Variants in ATP8A1 observed in about 807,000 individuals in gnomAD.
The protein encoded by ATP8A1 is phospholipid-transporting ATPase IA.
In ATP8A1, 90 loss-of-function variants were observed where a neutral mutation model predicts 177.7. The observed-to-expected ratio is 0.51, with a 90% confidence interval of 0.43 to 0.60. The LOEUF (loss-of-function observed/expected upper bound fraction) is 0.60. ATP8A1 is among the 20% of genes least tolerant of loss of function. The pLI, the probability that ATP8A1 is intolerant of heterozygous loss-of-function variation, is 0.00. For synonymous variants in ATP8A1, 493 were observed against 485.9 expected (o/e 1.01, Z -0.19); for missense variants, 1,072 against 1,392.8 (o/e 0.77, Z 3.67).
chr4:42,537,740 C>T (rs1160160135), intron 20 of ATP8A1, among the ~76,000 whole-genome samples: 1 of 152,196 alleles, frequency 6.6e-6, no homozygotes, highest in Non-Finnish European at 1.5e-5. Context: ...AACTACAAAA[C>T]ACTGCTGAAA....
At chr4:42,521,072 C>T (rs549394042) in intron 22 of ATP8A1, among the ~76,000 whole-genome samples, 11 of 152,172 alleles carry the variant, frequency 7.2e-5, no homozygotes, top group Non-Finnish European at 1.5e-4. Flanking sequence ...GACAGAGGCA[C>T]GACGAAGTAC....
chr4:42,494,162 CAAAA>C (rs397993131), intron 24 of ATP8A1, among the ~76,000 whole-genome samples: 1 of 53,458 alleles, frequency 1.9e-5, no homozygotes, highest in Non-Finnish European at 3.5e-5. Flanking sequence ...GATCATGCCA[CAAAA>C]AAAAAAAAAA....
chr4:42,567,603 T>A (rs1731487374), intron 15 of ATP8A1, among the ~76,000 whole-genome samples: 1 of 152,192 alleles, frequency 6.6e-6, no homozygotes, highest in Non-Finnish European at 1.5e-5. Context: ...TTAAAAATCA[T>A]TACTATCTAA....
In ATP8A1 at chr4:42,410,132, A is replaced by G. The variant is rs1322804515; in HGVS notation, c.*2784T>C. The G allele has an allele frequency of 6.6e-6, 1 of 152,200 alleles. No homozygotes were observed. The highest frequency in any genetic ancestry group is 2.4e-5 in the African/African-American group (1 of 41,456). The allele number at this position is 152,200 out of a possible 1,614,324, so 9.4% of individuals were successfully genotyped here. A position where few individuals can be genotyped will look rare whatever the true frequency, so the allele number is the denominator to read the frequency against. On this transcript the variant is annotated 3_prime_UTR_variant, in exon 37 of 37. Transcript: ENST00000381668. Reference sequence around the variant, plus strand: ...GTTCCTGAGAAACACTGTTTTCCTAATAATATCTACAATATAACATCTTTC... The same window carrying G: ...GTTCCTGAGAAACACTGTTTTCCTAGTAATATCTACAATATAACATCTTTC...
intron 10 of ATP8A1, among the ~76,000 whole-genome samples, 176 bp from the exon 11 acceptor site, chr4:42,580,154 T>G (rs1732887097): frequency 6.6e-6 from 1 of 152,186 alleles, no homozygotes; most frequent in South Asian, 2.1e-4. Flanking sequence ...TTAACCACCT[T>G]TTTTTCAAGG....
rs762643177 is a variant in ATP8A1 at position 42,522,232 on chromosome 4, G to A, written c.1875C>T (p.Val625=). The change falls in exon 22 of 37, where the codon GTC becomes GTT. Residue 625 remains valine, a synonymous_variant. Transcript: ENST00000381668. ...GCACAGATGTAGATGCTCGCTGATA[G>A]ACTGCTCGCCACTCCTGAAAGTCGC... The part of the protein sequence containing the change: ...SESDFQEWRA[V]YQRASTSVQN... 10 of 1,613,712 alleles carry A rather than the reference G, an allele frequency of 6.2e-6. No homozygotes were observed. The highest frequency in any genetic ancestry group is 5.9e-6 in the Non-Finnish European group (7 of 1,179,890).
chr4:42,578,688 G>A (rs1396726585), intron 11 of ATP8A1, among the ~76,000 whole-genome samples: 5 of 151,824 alleles, frequency 3.3e-5, no homozygotes, highest in African/African-American at 4.8e-5. Context: ...TAGCACTGAG[G>A]GTTTATAAAT....
intron 20 of ATP8A1, among the ~76,000 whole-genome samples, chr4:42,539,934 C>G (rs528563695): frequency 1.3e-5 from 2 of 151,966 alleles, no homozygotes; most frequent in South Asian, 4.2e-4. Context: ...GCAACAAAAA[C>G]AAAAATTCAC....
chr4:42,530,883 C>A (rs945974521), intron 20 of ATP8A1, among the ~76,000 whole-genome samples: 1 of 152,176 alleles, frequency 6.6e-6, no homozygotes, highest in Non-Finnish European at 1.5e-5. Context: ...CCTAGTGATC[C>A]ACTAGCAACA....
At chr4:42,649,989 T>C (rs1740927694) in intron 1 of ATP8A1, among the ~76,000 whole-genome samples, 2 of 152,242 alleles carry the variant, frequency 1.3e-5, no homozygotes, top group South Asian at 4.1e-4. Context: ...CTCCTTTCGC[T>C]AAGAAGTAAA....
In ATP8A1 at chr4:42,627,123, C is replaced by A; in HGVS notation, c.50-14G>T. The A allele has an allele frequency of 6.4e-7, 1 of 1,574,432 alleles. No individual in the cohort carries two copies. The highest frequency in any genetic ancestry group is 8.7e-7 in the Non-Finnish European group (1 of 1,147,632). ...TCTTCTCATAACCTTAAAAAGAGAT[C>A]TTCTTATTGTACAAGAAATGTTTTA... On this transcript the variant is annotated splice_polypyrimidine_tract_variant and intron_variant, in intron 1 of 36. Coordinates refer to ENST00000381668, the MANE Select transcript of ATP8A1 (RefSeq NM_006095.2).
rs1216206169 is a variant in ATP8A1, at chr4:42,444,628, C to T, written c.2965G>A (p.Val989Met). Reference protein sequence around the residue: ...LLGNFVYTFVVITVCLKAGLE... With the variant: ...LLGNFVYTFVMITVCLKAGLE... The stretch of plus-strand genomic sequence containing the variant: ...CCAGCTTTCAAACACACAGTTATCA[C>T]CACAAACTAAAACAGAAGGGGAAAA... Residue 989 changes from valine to methionine, a missense_variant, in exon 32 of 37, where the codon GTG (valine) becomes ATG (methionine). Coordinates refer to ENST00000381668, the MANE Select transcript of ATP8A1 (RefSeq NM_006095.2). The T allele has an allele frequency of 6.2e-7, 1 of 1,613,640 alleles. No individual in the cohort carries two copies. Among genetic ancestry groups the T allele is most frequent in the African/African-American group, 1.3e-5 (1 of 74,892 alleles).
At chr4:42,444,054 C>T (rs17630390) in intron 32 of ATP8A1, among the ~76,000 whole-genome samples, 3,565 of 152,262 alleles carry the variant, frequency 0.023, 72 homozygotes, top group South Asian at 0.09. Flanking sequence ...TAAATCCAAA[C>T]GCCTTGTGGC....
At chr4:42,643,943 A>G (rs1009378241) in intron 1 of ATP8A1, among the ~76,000 whole-genome samples, 4 of 152,212 alleles carry the variant, frequency 2.6e-5, no homozygotes, top group African/African-American at 9.6e-5. Context: ...AGGATGTTAA[A>G]GATAGCTTCA....
intron 1 of ATP8A1, among the ~76,000 whole-genome samples, chr4:42,651,219 C>A (rs1307257110): frequency 3.9e-5 from 6 of 152,152 alleles, no homozygotes; most frequent in Non-Finnish European, 8.8e-5. Flanking sequence ...TTGTAAATTG[C>A]CCAGTCTCGG....
At chr4:42,611,895 A>G (rs553481707) in intron 5 of ATP8A1, among the ~76,000 whole-genome samples, 5 of 152,366 alleles carry the variant, frequency 3.3e-5, no homozygotes, top group African/African-American at 1.2e-4. Context: ...TTGTGTGTGT[A>G]GACACATGGA....
intron 13 of ATP8A1, 151 bp downstream of exon 13, chr4:42,575,471 T>C: frequency 1.6e-6 from 1 of 636,682 alleles, no homozygotes; most frequent in South Asian, 1.9e-5. Context: ...TTATTAAAAA[T>C]GAGAATTGTT....
intron 25 of ATP8A1, among the ~76,000 whole-genome samples, chr4:42,476,944 C>T (rs1721128696): frequency 1.3e-5 from 2 of 152,130 alleles, no homozygotes; most frequent in Non-Finnish European, 2.9e-5. Flanking sequence ...GCAATATTAC[C>T]ACTGATTTTA....
chr4:42,488,583 G>C (rs535912278), intron 24 of ATP8A1, among the ~76,000 whole-genome samples: 69 of 152,186 alleles, frequency 4.5e-4, no homozygotes, highest in African/African-American at 1.6e-3. Flanking sequence ...GTCTCTTCTT[G>C]CTTTAAAAAT....
Sources: allele counts gnomAD v4.1 joint callset (sites outside exome capture counted in the v4.1 genomes callset), GRCh38; gene constraint gnomAD v4.1.1; transcripts MANE v1.5; gene names NCBI Gene and HGNC (gene_info 2026-07-23, HGNC 2026-07-21).